Variants in GABRB1 observed in about 807,000 individuals in gnomAD.
GABRB1 encodes the protein gamma-aminobutyric acid receptor subunit beta-1.
In GABRB1, 17 loss-of-function variants were observed where a neutral mutation model predicts 51.6. The ratio of observed to expected loss-of-function variants is 0.33; its 90% CI spans 0.23 to 0.49. The LOEUF (loss-of-function observed/expected upper bound fraction) is 0.49, where lower values mean the gene tolerates loss of function less well. Among genes scored for constraint, GABRB1 ranks in the 20% least tolerant of loss-of-function variants. The probability of loss-of-function intolerance (pLI) is 0.99; values close to 1 mark genes in which losing one functional copy is unlikely to be tolerated. For synonymous variants in GABRB1, 247 were observed against 218.9 expected (o/e 1.13, Z -1.14); for missense variants, 410 against 600.6 (o/e 0.68, Z 3.32).
chr4:47,223,134 T>A (rs1030672814), intron 4 of GABRB1, among the ~76,000 whole-genome samples: 3 of 152,150 alleles, frequency 2.0e-5, no homozygotes, highest in South Asian at 2.1e-4. Flanking sequence ...TTATCTTGAA[T>A]GTTTTTTCTT....
intron 5 of GABRB1, among the ~76,000 whole-genome samples, chr4:47,362,289 AG>A (rs1726836587): frequency 6.6e-6 from 1 of 152,150 alleles, no homozygotes; most frequent in South Asian, 2.1e-4. Flanking sequence ...TAGAAGTCAG[AG>A]TGGAGTAAGG....
intron 4 of GABRB1, among the ~76,000 whole-genome samples, chr4:47,296,793 C>A (rs193148632): frequency 0.029 from 4,392 of 152,274 alleles, 83 homozygotes; most frequent in African/African-American, 0.051. Context: ...CACCCCAAAT[C>A]AACAGAATAT....
At chr4:47,084,920 A>C (rs1453552061) in intron 3 of GABRB1, among the ~76,000 whole-genome samples, 1 of 152,086 alleles carries the variant, frequency 6.6e-6, no homozygotes, top group African/African-American at 2.4e-5. Flanking sequence ...TATATGACTC[A>C]CTTTTTTTTC....
intron 3 of GABRB1, among the ~76,000 whole-genome samples, chr4:47,135,001 C>T (rs1577939555): frequency 1.3e-5 from 2 of 151,976 alleles, no homozygotes; most frequent in East Asian, 3.9e-4. Flanking sequence ...TGGCATGTGC[C>T]CGTGTCTCAG....
chr4:47,157,597 G>T (rs1234792383), intron 3 of GABRB1, among the ~76,000 whole-genome samples: 1 of 152,076 alleles, frequency 6.6e-6, no homozygotes, highest in Admixed American at 6.6e-5. Context: ...GAGAACAAAT[G>T]TTATAATAGA....
At chr4:47,218,204 A>G (rs1488570415) in intron 4 of GABRB1, among the ~76,000 whole-genome samples, 2 of 151,882 alleles carry the variant, frequency 1.3e-5, no homozygotes, top group African/African-American at 4.8e-5. Context: ...TCCATTGTGT[A>G]TATATACCAT....
intron 5 of GABRB1, among the ~76,000 whole-genome samples, chr4:47,389,235 G>A (rs2110037126): frequency 6.6e-6 from 1 of 152,184 alleles, no homozygotes; most frequent in East Asian, 1.9e-4. Flanking sequence ...CCCCTTATAA[G>A]GTTATCCCCA....
At chr4:47,164,117 G>A (rs1577965345) in intron 4 of GABRB1, among the ~76,000 whole-genome samples, 1 of 152,052 alleles carries the variant, frequency 6.6e-6, no homozygotes, top group East Asian at 1.9e-4. Context: ...AACATCATGG[G>A]GAAATCACCC....
intron 5 of GABRB1, among the ~76,000 whole-genome samples, chr4:47,397,565 T>C (rs1445902304): frequency 6.6e-6 from 1 of 152,082 alleles, no homozygotes; most frequent in Non-Finnish European, 1.5e-5. Context: ...TTCTTATTTC[T>C]ACTTTTTTTT....
chr4:47,252,499 G>A (rs555269018), intron 4 of GABRB1, among the ~76,000 whole-genome samples: 273 of 137,468 alleles, frequency 2.0e-3, no homozygotes, highest in Non-Finnish European at 3.1e-3. Context: ...ACCATTAATA[G>A]CAATTGCCTT....
At chr4:47,098,650 G>A (rs1459166526) in intron 3 of GABRB1, among the ~76,000 whole-genome samples, 2 of 152,052 alleles carry the variant, frequency 1.3e-5, no homozygotes, top group Non-Finnish European at 2.9e-5. Flanking sequence ...CAGCATAGAG[G>A]TGTGTAAAGA....
intron 4 of GABRB1, among the ~76,000 whole-genome samples, chr4:47,305,773 G>A (rs1032592494): frequency 1.3e-5 from 2 of 152,128 alleles, no homozygotes; most frequent in Non-Finnish European, 2.9e-5. Context: ...TAGGTATAGA[G>A]TCAATGTGAT....
At chr4:47,331,923 C>T (rs918181425) in intron 5 of GABRB1, among the ~76,000 whole-genome samples, 1 of 152,062 alleles carries the variant, frequency 6.6e-6, no homozygotes, top group Non-Finnish European at 1.5e-5. Context: ...ACGATTTAGC[C>T]CTTATAGTCT....
In GABRB1 at chr4:47,032,763, C is replaced by A. The variant is rs532182062; in HGVS notation, c.240+279C>A. The A allele has an allele frequency of 9.4e-4, 611 of 652,438 alleles. 7 individuals are homozygous for A. The East Asian group carries it at 0.019, about 21-fold the overall frequency. 40.4% of individuals were successfully genotyped at this position (652,438 alleles called of 1,614,324 possible). A position where few individuals can be genotyped will look rare whatever the true frequency, so the allele number is the denominator to read the frequency against. On this transcript the variant is annotated intron_variant, in intron 3 of 8. Coordinates refer to ENST00000295454, the MANE Select transcript of GABRB1 (RefSeq NM_000812.4). ...TGGATCTGCTGGGGCGGAGTCTGAG[C>A]GTTACTTTAGCTGGGTTTCCCTGCG...
intron 4 of GABRB1, among the ~76,000 whole-genome samples, chr4:47,254,061 A>T (rs1442180837): frequency 6.6e-6 from 1 of 152,158 alleles, no homozygotes; most frequent in Non-Finnish European, 1.5e-5. Context: ...ATCTTATTTT[A>T]AAACAAAAGA....
At chr4:47,279,585 G>T (rs1723201873) in intron 4 of GABRB1, among the ~76,000 whole-genome samples, 1 of 152,002 alleles carries the variant, frequency 6.6e-6, no homozygotes, top group South Asian at 2.1e-4. Context: ...ATATTTAGGT[G>T]CTGTAATGGG....
intron 5 of GABRB1, among the ~76,000 whole-genome samples, chr4:47,381,466 C>G (rs1365103679): frequency 6.6e-6 from 1 of 152,198 alleles, no homozygotes; most frequent in African/African-American, 2.4e-5. Flanking sequence ...CTGGTTCTCT[C>G]CCCGTGCGTG....
At chr4:47,206,327 A>G (rs1034067283) in intron 4 of GABRB1, among the ~76,000 whole-genome samples, 2 of 152,066 alleles carry the variant, frequency 1.3e-5, no homozygotes, top group Non-Finnish European at 2.9e-5. Flanking sequence ...AGGAATGCCA[A>G]GGGTAGAAAT....
rs554180655 is a variant in GABRB1 at position 47,355,065 on chromosome 4, A to G, written c.544+34856A>G. Reference sequence around the variant, plus strand: ...CAGTGGCGCGATCTTGGCTCACTGCAACCTCCGCCTCCCGGGTTCAAGTGA... The same window carrying G: ...CAGTGGCGCGATCTTGGCTCACTGCGACCTCCGCCTCCCGGGTTCAAGTGA... On this transcript the variant is annotated intron_variant, in intron 5 of 8. Transcript: ENST00000295454. Among the ~76,000 whole-genome samples, 64 of 137,290 alleles carry G rather than the reference A, an allele frequency of 4.7e-4. No individual in the cohort carries two copies. In the South Asian group the frequency reaches 0.014, roughly 31 times the overall value. 90.1% of individuals were successfully genotyped at this position (137,290 alleles called of 152,430 possible).
Sources: allele counts gnomAD v4.1 joint callset (sites outside exome capture counted in the v4.1 genomes callset), GRCh38; gene constraint gnomAD v4.1.1; transcripts MANE v1.5; gene names NCBI Gene and HGNC (gene_info 2026-07-23, HGNC 2026-07-21).